Variants in CIITA observed in about 807,000 individuals in gnomAD.
CIITA encodes the protein class II major histocompatibility complex transactivator.
In CIITA, 72 loss-of-function variants were observed where a neutral mutation model predicts 115.1. The ratio of observed to expected loss-of-function variants is 0.63; its 90% CI spans 0.52 to 0.76. The LOEUF (loss-of-function observed/expected upper bound fraction) is 0.76, where lower values mean the gene tolerates loss of function less well. Ranked by LOEUF, CIITA falls within the 30% of genes least tolerant of loss-of-function variation. The pLI is 0.00. For synonymous variants in CIITA, 763 were observed against 635.6 expected, an observed-to-expected ratio of 1.20 and a Z score of -3.02; for missense variants, 1,617 against 1,463.8, an observed-to-expected ratio of 1.10 and a Z score of -1.71.
At chr16:10,911,180 A>C (rs2039536774) in intron 13 of CIITA, among the ~76,000 whole-genome samples, 1 of 150,184 alleles carries the variant, frequency 6.7e-6, no homozygotes. Context: ...TAGATCTGTC[A>C]GAATATAGCT....
At chr16:10,886,229 C>A in intron 1 of CIITA, among the ~76,000 whole-genome samples, 2 of 152,208 alleles carry the variant, frequency 1.3e-5, no homozygotes. Context: ...CGAGTCACCA[C>A]GCCTGGCCAC....
rs754918559 is a variant in CIITA, at chr16:10,908,169, G to A, written c.2657+20G>A. ...TTTCAGGTGGGGTGAGGGGCTTGGG[G>A]AAGAGACATCCTTGTGTTGGGCATT... On this transcript the variant is annotated intron_variant, in intron 11 of 19. Coordinates refer to ENST00000324288, the MANE Select transcript of CIITA (RefSeq NM_000246.4). The A allele has an allele frequency of 5.8e-6, 9 of 1,552,636 alleles. No homozygotes were observed. In the South Asian group the frequency reaches 7.1e-5, roughly 12 times the overall value.
intron 3 of CIITA, 43 bp downstream of exon 3, chr16:10,895,807 G>T: frequency 3.1e-6 from 5 of 1,590,876 alleles, no homozygotes; most frequent in South Asian, 1.1e-5. Flanking sequence ...TCAAGGGCAA[G>T]AGTTCTTTGC....
chr16:10,923,389 T>C lies in CIITA; in HGVS notation c.*22+64T>C, dbSNP rs1277012982. The C allele has an allele frequency of 8.2e-6, 11 of 1,342,262 alleles. No homozygotes were observed. Among genetic ancestry groups the C allele is most frequent in the Non-Finnish European group, 1.2e-5 (11 of 937,646 alleles). The allele number at this position is 1,342,262 out of a possible 1,614,324, so 83.1% of individuals were successfully genotyped here. ...GTTGGGGGCAGTGTCCTTGTGAAGG[T>C]GGCATTCAAAAAATGTGGGCGGGAC... is the stretch of plus-strand genomic sequence containing the variant. On this transcript the variant is annotated intron_variant, in intron 19 of 19. Transcript: ENST00000324288. The surrounding 1 kb of genome is among the most constrained non-coding windows in gnomAD (Gnocchi z 5.2).
Position 10,907,838 on chromosome 16 carries a change from G to A in CIITA, c.2346G>A (p.Val782=), listed in dbSNP as rs745406816. ...ALLGPSAAAS[V]DRKQKVLARY... Reference sequence around the variant, plus strand: ...TCGGGCCATCGGCGGCTGCCTCGGTGGACAGGAAGCAGAAGGTGCTTGCGA... The same window carrying A: ...TCGGGCCATCGGCGGCTGCCTCGGTAGACAGGAAGCAGAAGGTGCTTGCGA... Residue 782 remains valine, a synonymous_variant, in exon 11 of 20, where the codon GTG becomes GTA. Coordinates refer to ENST00000324288, the MANE Select transcript of CIITA (RefSeq NM_000246.4). This position sits in a 1 kb window ranked among gnomAD's most constrained non-coding sequence, Gnocchi z 5.0. The A allele has an allele frequency of 6.2e-6, 10 of 1,613,550 alleles. No homozygotes were observed. Among genetic ancestry groups the A allele is most frequent in the Middle Eastern group, 1.7e-4 (1 of 6,058 alleles).
In CIITA at chr16:10,902,197, G is replaced by T. The variant is rs1895769428; in HGVS notation, c.628+13G>T. 6.2e-7 allele frequency: 1 copy of T among 1,613,910 alleles called. No individual in the cohort carries two copies. The highest frequency in any genetic ancestry group is 1.3e-5 in the African/African-American group (1 of 74,936). The stretch of plus-strand genomic sequence containing the variant: ...GACCAGATTCCCAGTATGTTAGGGG[G>T]CTTGGAGAGAGTGGGCTTTCTCCCT... On this transcript the variant is annotated intron_variant, in intron 7 of 19. Transcript: ENST00000324288.
chr16:10,908,991 T>C, intron 11 of CIITA, 38 bp from the exon 12 acceptor site: 1 of 1,613,760 alleles, frequency 6.2e-7, no homozygotes, highest in Non-Finnish European at 8.5e-7. Context: ...AGGTCTAGCC[T>C]GGTCACCGTG....
chr16:10,874,632 T>A (rs978802511), upstream of CIITA, among the ~76,000 whole-genome samples: 5 of 152,126 alleles, frequency 3.3e-5, no homozygotes, highest in African/African-American at 9.7e-5. Flanking sequence ...GACACAGGCA[T>A]GGTCAGGTTC....
intron 7 of CIITA, among the ~76,000 whole-genome samples, chr16:10,902,451 G>C (rs557888281): frequency 6.6e-6 from 1 of 152,148 alleles, no homozygotes; most frequent in South Asian, 2.1e-4. Flanking sequence ...AGCCTTATTC[G>C]TTCATCAGCT....
At chr16:10,891,093 G>A (rs1259776257) in intron 1 of CIITA, among the ~76,000 whole-genome samples, 1 of 152,150 alleles carries the variant, frequency 6.6e-6, no homozygotes, top group Admixed American at 6.5e-5. Flanking sequence ...TTGAAGCAGA[G>A]CTCATCAATA....
At position 10,924,085 on chromosome 16, in the gene CIITA, T is replaced by A. The variant is rs1344578521; in HGVS notation, c.*230T>A. On this transcript the variant is annotated 3_prime_UTR_variant, in exon 20 of 20. Transcript: ENST00000324288. ...GCTCCAGGCTCCTTTAGCGCCCAGT[T>A]GGGTGGATGCCTGGTGGCAGCTGCG... 6.6e-6 allele frequency: 1 copy of A among 152,538 alleles called. No individual in the cohort carries two copies. The highest frequency in any genetic ancestry group is 2.4e-5 in the African/African-American group (1 of 41,458). The allele number at this position is 152,538 out of a possible 1,614,324, so 9.4% of individuals were successfully genotyped here.
downstream of CIITA, chr16:10,936,649 T>G (rs1407846211): frequency 6.6e-6 from 1 of 152,158 alleles, no homozygotes; most frequent in African/African-American, 2.4e-5. Context: ...GTTGGAAGAG[T>G]GCGTATGAAA....
intron 1 of CIITA, among the ~76,000 whole-genome samples, chr16:10,872,009 A>T (rs1480727729): frequency 6.6e-6 from 1 of 152,208 alleles, no homozygotes; most frequent in South Asian, 2.1e-4. Flanking sequence ...CTTACTGTCT[A>T]CTTTCCCATC....
rs2038833541 is a variant in CIITA at position 10,902,285 on chromosome 16, T to C, written c.628+101T>C. 3.3e-6 allele frequency: 5 copies of C among 1,492,714 alleles called. No homozygotes were observed. In the South Asian group the frequency reaches 5.9e-5, roughly 18 times the overall value. The allele number at this position is 1,492,714 out of a possible 1,614,324, so 92.5% of individuals were successfully genotyped here. Reference sequence around the variant, plus strand: ...ACTGTCAGGAACTGGACCTCACCTCTCCCCAACCCTATCAGTGTCACTCAC... The same window carrying C: ...ACTGTCAGGAACTGGACCTCACCTCCCCCCAACCCTATCAGTGTCACTCAC... On this transcript the variant is annotated intron_variant, in intron 7 of 19. Transcript: ENST00000324288.
At chr16:10,890,894 T>C (rs1269490757) in intron 1 of CIITA, among the ~76,000 whole-genome samples, 1 of 152,196 alleles carries the variant, frequency 6.6e-6, no homozygotes, top group Non-Finnish European at 1.5e-5. Context: ...ATTCGCATTT[T>C]ATAGATATGG....
chr16:10,911,514 C>A (rs548482960), intron 13 of CIITA, among the ~76,000 whole-genome samples: 1 of 145,830 alleles, frequency 6.9e-6, no homozygotes, highest in Non-Finnish European at 1.5e-5. Context: ...CCTTCCCTCC[C>A]TTCCTTCTCT....
rs2039240504 is a variant in CIITA, at chr16:10,907,349, GCT to G, written c.1861_1862del (p.Ser621ArgfsTer127). On this transcript the variant is annotated frameshift_variant, in exon 11 of 20. Coordinates refer to ENST00000324288, the MANE Select transcript of CIITA (RefSeq NM_000246.4). LOFTEE classifies it high-confidence loss of function. The surrounding 1 kb of genome is among the most constrained non-coding windows in gnomAD (Gnocchi z 5.0). ...SPTLCRAVCQ[L>X]SEALLELGED... ...CTACTTTGTGCCGGGCAGTGTGCCAGCTCTCAGAGGCCCTGCTGGAGCTTGGG... is the reference window on the plus strand; with the variant it reads ...CTACTTTGTGCCGGGCAGTGTGCCAGCTCAGAGGCCCTGCTGGAGCTTGGG... The G allele has an allele frequency of 6.2e-7, 1 of 1,613,446 alleles. No homozygotes were observed. The highest frequency in any genetic ancestry group is 1.3e-5 in the African/African-American group (1 of 74,924).
Position 10,927,640 on chromosome 16 carries a change from G to A in CIITA, c.*3785G>A, listed in dbSNP as rs2040585863. On this transcript the variant is annotated 3_prime_UTR_variant, in exon 20 of 20. Transcript: ENST00000324288. ...GGGGGAACATGGGGGCTGCAAACCA[G>A]TCTGGGTTCTGCTTGCCAAACTGGG... 6.6e-6 allele frequency: 1 copy of A among 152,252 alleles called. No individual in the cohort carries two copies. The highest frequency in any genetic ancestry group is 2.4e-5 in the African/African-American group (1 of 41,446). The allele number at this position is 152,252 out of a possible 1,614,324, so 9.4% of individuals were successfully genotyped here.
At position 10,907,199 on chromosome 16, in the gene CIITA, C is replaced by T. The variant is rs1391526377; in HGVS notation, c.1707C>T (p.Phe569=). 7.4e-6 allele frequency: 12 copies of T among 1,613,478 alleles called. No homozygotes were observed. The South Asian group carries it at 1.2e-4, about 16-fold the overall frequency. The change falls in exon 11 of 20, where the codon TTC becomes TTT. Residue 569 remains phenylalanine, a synonymous_variant. Coordinates refer to ENST00000324288, the MANE Select transcript of CIITA (RefSeq NM_000246.4). This position sits in a 1 kb window ranked among gnomAD's most constrained non-coding sequence, Gnocchi z 5.0. Reference sequence around the variant, plus strand: ...ACGCCCTATTTGAGCTGTCCGGCTTCTCCATGGAGCAGGCCCAGGCATACG... The same window carrying T: ...ACGCCCTATTTGAGCTGTCCGGCTTTTCCATGGAGCAGGCCCAGGCATACG... ...KADALFELSG[F]SMEQAQAYVM... is the part of the protein sequence containing the mutation.
Sources: allele counts gnomAD v4.1 joint callset (sites outside exome capture counted in the v4.1 genomes callset), GRCh38; gene constraint gnomAD v4.1.1; non-coding constraint Gnocchi (gnomAD v3.1); transcripts MANE v1.5; gene names NCBI Gene and HGNC (gene_info 2026-07-23, HGNC 2026-07-21).